The following LMX1B variants were observed in gnomAD, a reference collection of about 807,000 sequenced individuals.
The protein encoded by LMX1B is LIM homeobox transcription factor 1 beta, also known as LIM homeobox transcription factor 1-beta.
LMX1B carries 12 observed loss-of-function variants against 51.4 expected under a neutral mutation model. The ratio of observed to expected loss-of-function variants is 0.23; its 90% CI spans 0.15 to 0.38. The LOEUF (loss-of-function observed/expected upper bound fraction) is 0.38. Ranked by LOEUF, LMX1B falls within the 10% of genes least tolerant of loss-of-function variation. LMX1B has a pLI of 1.00. For synonymous variants in LMX1B, 237 were observed against 235.4 expected (o/e 1.01, Z -0.06); for missense variants, 445 against 571.1 (o/e 0.78, Z 2.25).
At chr9:126,681,370 C>T (rs553777325) in intron 2 of LMX1B, among the ~76,000 whole-genome samples, 6 of 152,282 alleles carry the variant, frequency 3.9e-5, no homozygotes, top group East Asian at 1.9e-4. Flanking sequence ...TCCCCACAGA[C>T]GCCATGTCCT....
intron 2 of LMX1B, among the ~76,000 whole-genome samples, chr9:126,621,638 T>TTC (rs1267312986): frequency 7.9e-6 from 1 of 126,110 alleles, no homozygotes; most frequent in African/African-American, 2.6e-5. Context: ...TATAGGGTTT[T>TTC]TCTCTCTCTC....
At chr9:126,619,909 G>C (rs1835376847) in intron 2 of LMX1B, among the ~76,000 whole-genome samples, 1 of 152,148 alleles carries the variant, frequency 6.6e-6, no homozygotes, top group Non-Finnish European at 1.5e-5. Flanking sequence ...GCCAGGCTTA[G>C]AGACCCACGG....
Position 126,615,445 on chromosome 9 carries a change from C to G in LMX1B, c.202C>G (p.Leu68Val). 1.2e-6 allele frequency: 2 copies of G among 1,609,810 alleles called. No individual in the cohort carries two copies. Among genetic ancestry groups the G allele is most frequent in the Non-Finnish European group, 1.7e-6 (2 of 1,178,212 alleles). The change falls in exon 2 of 8, where the codon CTG (leucine) becomes GTG (valine). Residue 68 changes from leucine (L) to valine (V), a missense_variant. Physicochemically the swap from Leu to Val is conservative, Grantham distance 32. Transcript: ENST00000373474. This position sits in a 1 kb window ranked among gnomAD's most constrained non-coding sequence, Gnocchi z 6.0. ...CCAGCGGCCCATCTCCGACCGCTTC[C>G]TGATGCGAGTCAACGAGTCGTCCTG... is the stretch of plus-strand genomic sequence containing the variant. ...GCQRPISDRF[L>V]MRVNESSWHE... is the part of the protein sequence containing the mutation.
In LMX1B at chr9:126,673,866, G is replaced by A. The variant is rs1048554128; in HGVS notation, c.327-16970G>A. Among the ~76,000 whole-genome samples the A allele has an allele frequency of 5.3e-5, 8 of 152,190 alleles. No homozygotes were observed. In the East Asian group the frequency reaches 1.3e-3, roughly 26 times the overall value. On this transcript the variant is annotated intron_variant, in intron 2 of 7. Coordinates refer to ENST00000373474, the MANE Select transcript of LMX1B (RefSeq NM_001174147.2). The surrounding 1 kb of genome is among the most constrained non-coding windows in gnomAD (Gnocchi z 4.4). ...GTGTGTGTGTGAGTGTGCGCCTGTG[G>A]CAGCAGCAGAGTAAACAGCCGCTGC...
rs1835290985 is a variant in LMX1B, at chr9:126,615,688, G to A, written c.326+119G>A. On this transcript the variant is annotated intron_variant, in intron 2 of 7. Transcript: ENST00000373474. This position sits in a 1 kb window ranked among gnomAD's most constrained non-coding sequence, Gnocchi z 6.0. ...GCTCTGTGCGCGGCTGGGCCGGGCA[G>A]CTCCAAGGGTTCCGAGAGCTGCGCG... 2 of 909,130 alleles carry A rather than the reference G, an allele frequency of 2.2e-6. No individual in the cohort carries two copies. The highest frequency in any genetic ancestry group is 3.1e-6 in the Non-Finnish European group (2 of 638,332). The allele number at this position is 909,130 out of a possible 1,614,324, so 56.3% of individuals were successfully genotyped here.
Position 126,696,373 on chromosome 9 carries a change from C to T in LMX1B, c.1131C>T (p.Asp377=), listed in dbSNP as rs529256518. ...SLSDCFLGSS[D]VGSLQARVGN... is the part of the protein sequence containing the mutation. ...GCGACTGCTTCCTCGGCTCCTCAGA[C>T]GTGGGCTCCCTGCAGGCCCGCGTGG... Residue 377 remains aspartate (D), a synonymous_variant, in exon 8 of 8, where the codon GAC becomes GAT. Coordinates refer to ENST00000373474, the MANE Select transcript of LMX1B (RefSeq NM_001174147.2). 17 of 1,614,116 alleles carry T rather than the reference C, an allele frequency of 1.1e-5. No individual in the cohort carries two copies. Among genetic ancestry groups the T allele is most frequent in the South Asian group, 5.5e-5 (5 of 91,086 alleles).
intron 2 of LMX1B, among the ~76,000 whole-genome samples, chr9:126,683,932 C>CT (rs1324939213): frequency 6.6e-6 from 1 of 152,150 alleles, no homozygotes; most frequent in African/African-American, 2.4e-5. Context: ...CAGATAGACT[C>CT]TTGGTGCTTT....
rs556239889 is a variant in LMX1B at position 126,694,828 on chromosome 9, C to A, written c.887-1011C>A. On this transcript the variant is annotated intron_variant, in intron 6 of 7. Coordinates refer to ENST00000373474, the MANE Select transcript of LMX1B (RefSeq NM_001174147.2). ...CAGCCATGTCCTGGGCTATGTCTCACCCCTCAGTGTTCCTAGCTGCTTCCT... is the reference window on the plus strand; with the variant it reads ...CAGCCATGTCCTGGGCTATGTCTCAACCCTCAGTGTTCCTAGCTGCTTCCT... 6.6e-5 allele frequency among the ~76,000 whole-genome samples: 10 copies of A among 152,278 alleles called. No individual in the cohort carries two copies. In the South Asian group the frequency reaches 1.9e-3, roughly 28 times the overall value.
At position 126,696,648 on chromosome 9, in the gene LMX1B, G is replaced by A. The variant is rs2046248532; in HGVS notation, c.*197G>A. 2 of 622,092 alleles carry A rather than the reference G, an allele frequency of 3.2e-6. No individual in the cohort carries two copies. Among genetic ancestry groups the A allele is most frequent in the Admixed American group, 2.9e-5 (1 of 35,040 alleles). 38.5% of individuals were successfully genotyped at this position (622,092 alleles called of 1,614,324 possible). ...CGGTAGATGGGCACAGCCTGGGCAG[G>A]GGCTGTGTCCTGCCCACAGAGACCT... On this transcript the variant is annotated 3_prime_UTR_variant, in exon 8 of 8. Transcript: ENST00000373474.
At chr9:126,628,584 C>T (rs1835575656) in intron 2 of LMX1B, among the ~76,000 whole-genome samples, 1 of 152,208 alleles carries the variant, frequency 6.6e-6, no homozygotes, top group Non-Finnish European at 1.5e-5. Flanking sequence ...CAACACTTAA[C>T]CGCTTTCATT....
chr9:126,632,114 C>T (rs1472589320), intron 2 of LMX1B, among the ~76,000 whole-genome samples: 1 of 152,162 alleles, frequency 6.6e-6, no homozygotes, highest in African/African-American at 2.4e-5. Context: ...TCCACTCTCT[C>T]GCAAGCAAAA....
At chr9:126,675,440 A>G (rs1836536179) in intron 2 of LMX1B, among the ~76,000 whole-genome samples, 1 of 152,216 alleles carries the variant, frequency 6.6e-6, no homozygotes, top group Admixed American at 6.5e-5. Flanking sequence ...AAGATAAAAA[A>G]TGTTGGCCGG....
rs1467695010 is a variant in LMX1B, at chr9:126,626,810, C to CGG, written c.326+11245_326+11246dup. Among the ~76,000 whole-genome samples the CGG allele has an allele frequency of 6.6e-6, 1 of 152,062 alleles. No individual in the cohort carries two copies. The highest frequency in any genetic ancestry group is 2.4e-5 in the African/African-American group (1 of 41,418). Reference sequence around the variant, plus strand: ...CAGCCCCGCGGCGGTGATTTGTGTGCGGGGGTCTGTGACCCTGCAAGCATC... The same window carrying CGG: ...CAGCCCCGCGGCGGTGATTTGTGTGCGGGGGGGTCTGTGACCCTGCAAGCATC... On this transcript the variant is annotated intron_variant, in intron 2 of 7. Transcript: ENST00000373474. This position sits in a 1 kb window ranked among gnomAD's most constrained non-coding sequence, Gnocchi z 4.3.
At chr9:126,662,627 G>C (rs1438150410) in intron 2 of LMX1B, among the ~76,000 whole-genome samples, 1 of 152,226 alleles carries the variant, frequency 6.6e-6, no homozygotes, top group Admixed American at 6.5e-5. Context: ...GTGGGCACAG[G>C]GGCCCAGAGA....
chr9:126,642,045 C>G (rs1208856426), intron 2 of LMX1B, among the ~76,000 whole-genome samples: 1 of 152,134 alleles, frequency 6.6e-6, no homozygotes, highest in Non-Finnish European at 1.5e-5. Context: ...CCACCTGGAA[C>G]AGTTCTTCCA....
At chr9:126,624,402 C>A (rs953369647) in intron 2 of LMX1B, among the ~76,000 whole-genome samples, 7 of 152,368 alleles carry the variant, frequency 4.6e-5, no homozygotes, top group African/African-American at 1.2e-4. Flanking sequence ...CGCCCCTCCC[C>A]AAGCCCTCCT....
In LMX1B at chr9:126,695,396, C is replaced by T. The variant is rs969806917; in HGVS notation, c.887-443C>T. On this transcript the variant is annotated intron_variant, in intron 6 of 7. Transcript: ENST00000373474. The surrounding 1 kb of genome is among the most constrained non-coding windows in gnomAD (Gnocchi z 5.2). ...CGGTCTGTCTCCTCCATGCCTTTGCCGCCCCTCAGCCTGGCTTGCCTCCCC... is the reference window on the plus strand; with the variant it reads ...CGGTCTGTCTCCTCCATGCCTTTGCTGCCCCTCAGCCTGGCTTGCCTCCCC... Among the ~76,000 whole-genome samples the T allele has an allele frequency of 7.2e-5, 11 of 152,332 alleles. No individual in the cohort carries two copies. The highest frequency in any genetic ancestry group is 1.9e-4 in the East Asian group (1 of 5,178).
chr9:126,652,390 G>T (rs1002903180), intron 2 of LMX1B, among the ~76,000 whole-genome samples: 1 of 152,248 alleles, frequency 6.6e-6, no homozygotes, highest in Non-Finnish European at 1.5e-5. Flanking sequence ...TATCAGCTGG[G>T]GGTTTGTTTG....
chr9:126,696,438 A>T lies in LMX1B; in HGVS notation c.1196A>T (p.Tyr399Phe). 6.2e-6 allele frequency: 10 copies of T among 1,613,834 alleles called. No homozygotes were observed. The highest frequency in any genetic ancestry group is 7.6e-6 in the Non-Finnish European group (9 of 1,179,920). The change falls in exon 8 of 8, where the codon TAC (tyrosine) becomes TTC (phenylalanine). Residue 399 changes from tyrosine (Y) to phenylalanine (F), a missense_variant. Tyr to Phe is a conservative substitution (Grantham distance 22, BLOSUM62 3). Around this residue, in one of 3 missense-constraint regions of LMX1B, gnomAD observed 162 missense variants for 187.8 expected, o/e 0.86. Transcript: ENST00000373474. ...IDRLYSMQSS[Y>F]FAS ...CGGCTCTACTCCATGCAGAGTTCCTACTTCGCCTCCTGAGAGCCAGCCAGG... is the reference window on the plus strand; with the variant it reads ...CGGCTCTACTCCATGCAGAGTTCCTTCTTCGCCTCCTGAGAGCCAGCCAGG...
Sources: gnomAD v4.1 joint callset for allele counts (sites outside exome capture counted in the v4.1 genomes callset) on GRCh38, gnomAD v4.1.1 for gene constraint, gnomAD v4.1.1 regional missense constraint, Gnocchi (gnomAD v3.1) non-coding constraint, MANE v1.5 for transcripts, NCBI Gene and HGNC (gene_info 2026-07-23, HGNC 2026-07-21) for gene names.